Variants in UBXN7 observed in about 807,000 individuals in gnomAD.
UBXN7 encodes UBX domain protein 7, also known as UBX domain-containing protein 7.
UBXN7 carries 9 observed loss-of-function variants against 58.0 expected under a neutral mutation model. The ratio of observed to expected loss-of-function variants is 0.16; its 90% confidence interval spans 0.09 to 0.27. UBXN7 has a LOEUF of 0.27. UBXN7 is among the 10% of genes least tolerant of loss of function. UBXN7 has a pLI of 1.00. For missense variants in UBXN7, 328 were observed against 599.6 expected (o/e 0.55, Z 4.73); for synonymous variants, 208 against 205.0 (o/e 1.01, Z -0.12).
chr3:196,420,449 T>A (rs1057320550), intron 1 of UBXN7, among the ~76,000 whole-genome samples: 19 of 151,534 alleles, frequency 1.3e-4, no homozygotes, highest in Non-Finnish European at 2.6e-4. Context: ...AAGAATCGTT[T>A]GACCCCGGGA....
At chr3:196,377,270 T>C (rs928751700) in intron 5 of UBXN7, among the ~76,000 whole-genome samples, 1 of 152,246 alleles carries the variant, frequency 6.6e-6, no homozygotes, top group South Asian at 2.1e-4. Context: ...GTCAGACCAT[T>C]TGGCCTCAGT....
chr3:196,379,866 T>C (rs1285812070), intron 5 of UBXN7, among the ~76,000 whole-genome samples: 2 of 152,104 alleles, frequency 1.3e-5, no homozygotes, highest in Admixed American at 1.3e-4. Flanking sequence ...CAGAATGATG[T>C]TACTGGAAAG....
intron 10 of UBXN7, 56 bp from the exon 11 acceptor site, chr3:196,356,902 T>G: frequency 6.4e-7 from 1 of 1,553,484 alleles, no homozygotes; most frequent in Non-Finnish European, 8.7e-7. Context: ...AAAGAGCATA[T>G]TAGTGAATTA....
chr3:196,366,475 A>T (rs11185535), intron 8 of UBXN7, among the ~76,000 whole-genome samples: 76,769 of 150,234 alleles, frequency 0.51, 20,072 homozygotes, highest in East Asian at 0.9. Flanking sequence ...TTTTTTTTTT[A>T]AAGTTCTCTC....
chr3:196,366,819 G>A (rs1030433353), intron 8 of UBXN7, among the ~76,000 whole-genome samples: 1 of 152,100 alleles, frequency 6.6e-6, no homozygotes, highest in Non-Finnish European at 1.5e-5. Flanking sequence ...AGCCCAAGAG[G>A]TGGAGGCTGT....
chr3:196,371,824 A>G, intron 6 of UBXN7, 72 bp downstream of exon 6: 1 of 1,545,514 alleles, frequency 6.5e-7, no homozygotes, highest in Admixed American at 2.0e-5. Context: ...TTATAACCCA[A>G]TTCCTTTCCC....
intron 10 of UBXN7, 31 bp downstream of exon 10, chr3:196,361,813 C>A: frequency 6.3e-7 from 1 of 1,592,510 alleles, no homozygotes; most frequent in Non-Finnish European, 8.6e-7. Flanking sequence ...TTGCAGTGGT[C>A]GGAACTGAAC....
chr3:196,383,247 CAAG>C (rs1409283018), intron 5 of UBXN7, among the ~76,000 whole-genome samples: 12 of 152,104 alleles, frequency 7.9e-5, no homozygotes, highest in Admixed American at 7.9e-4. Flanking sequence ...GTCAATTCAA[CAAG>C]AAGAGCTAAC....
rs368417627 is a variant in UBXN7, at chr3:196,371,920, G to A, written c.591C>T (p.Ile197=). Residue 197 remains isoleucine, a synonymous_variant, in exon 6 of 11, where the codon ATC becomes ATT. Coordinates refer to ENST00000296328, the MANE Select transcript of UBXN7 (RefSeq NM_015562.2). ...CCTGCCAGAAAATGAAATGTTCCCG[G>A]ATAATATTCTTCACAGCTTCGTTGC... is the stretch of plus-strand genomic sequence containing the variant. ...VWSNEAVKNI[I]REHFIFWQVY... 31 of 1,612,430 alleles carry A rather than the reference G, an allele frequency of 1.9e-5. No individual in the cohort carries two copies. In the Admixed American group the frequency reaches 2.9e-4, roughly 15 times the overall value.
chr3:196,378,830 C>A (rs1729113022), intron 5 of UBXN7, among the ~76,000 whole-genome samples: 1 of 147,024 alleles, frequency 6.8e-6, no homozygotes. Context: ...TGGATTTTAG[C>A]CAGCTTCTTT....
At chr3:196,369,026 G>A (rs376837125) in intron 7 of UBXN7, among the ~76,000 whole-genome samples, 12 of 152,138 alleles carry the variant, frequency 7.9e-5, no homozygotes, top group African/African-American at 2.6e-4. Flanking sequence ...GGGTTTCACC[G>A]TGTTAGCCAG....
intron 1 of UBXN7, among the ~76,000 whole-genome samples, chr3:196,420,142 A>C (rs1050267220): frequency 6.6e-6 from 1 of 152,368 alleles, no homozygotes; most frequent in East Asian, 1.9e-4. Flanking sequence ...CTTCTATCTT[A>C]CTACAGTTAG....
intron 4 of UBXN7, 68 bp downstream of exon 4, chr3:196,393,486 A>C: frequency 2.1e-6 from 3 of 1,459,256 alleles, no homozygotes; most frequent in Non-Finnish European, 2.8e-6. Flanking sequence ...TGGGCCTAAT[A>C]GTAATCATCT....
chr3:196,360,321 TAG>T (rs376356536), intron 10 of UBXN7, among the ~76,000 whole-genome samples: 32 of 152,346 alleles, frequency 2.1e-4, no homozygotes, highest in Middle Eastern at 6.8e-3. Context: ...CTTTCACAGC[TAG>T]AGAGAAGTCA....
At chr3:196,402,719 A>C (rs1730030864) in intron 3 of UBXN7, among the ~76,000 whole-genome samples, 1 of 152,208 alleles carries the variant, frequency 6.6e-6, no homozygotes, top group African/African-American at 2.4e-5. Context: ...CAAGGCAGTA[A>C]TTCTTTTTGC....
At chr3:196,394,559 C>A (rs1409438951) in intron 3 of UBXN7, among the ~76,000 whole-genome samples, 4 of 148,850 alleles carry the variant, frequency 2.7e-5, no homozygotes, top group Non-Finnish European at 5.9e-5. Context: ...GCCAAGATCA[C>A]GCCACTGCAC....
chr3:196,356,926 C>A (rs1186925770), intron 10 of UBXN7, 80 bp from the exon 11 acceptor site: 1 of 1,488,100 alleles, frequency 6.7e-7, no homozygotes, highest in East Asian at 2.4e-5. Context: ...AGAAAACATT[C>A]TCTTTTTAAT....
At chr3:196,417,879 T>C (rs1730551378) in intron 1 of UBXN7, among the ~76,000 whole-genome samples, 1 of 149,370 alleles carries the variant, frequency 6.7e-6, no homozygotes. Flanking sequence ...TGAGCTATGA[T>C]CATACCACTC....
At chr3:196,387,003 C>T (rs891381503) in intron 5 of UBXN7, among the ~76,000 whole-genome samples, 3 of 151,982 alleles carry the variant, frequency 2.0e-5, no homozygotes, top group Non-Finnish European at 4.4e-5. Flanking sequence ...GGTACTGGTA[C>T]CGAAACAAAT....
Sources: allele counts gnomAD v4.1 joint callset (sites outside exome capture counted in the v4.1 genomes callset), GRCh38; gene constraint gnomAD v4.1.1; transcripts MANE v1.5; gene names NCBI Gene and HGNC (gene_info 2026-07-23, HGNC 2026-07-21).